Variants in HEPHL1 observed in about 807,000 individuals in gnomAD.
The protein encoded by HEPHL1 is hephaestin like 1, also known as ferroxidase HEPHL1.
HEPHL1 carries 123 observed loss-of-function variants against 122.0 expected under a neutral mutation model. That is an observed-to-expected ratio of 1.01 (90% CI 0.87 to 1.17). HEPHL1 has a LOEUF of 1.17. Among genes scored for constraint, HEPHL1 ranks in the 50% most tolerant of loss-of-function variants. The pLI is 0.00. For synonymous variants in HEPHL1, 527 were observed against 508.9 expected (o/e 1.04, Z -0.48); for missense variants, 1,452 against 1,430.5 (o/e 1.01, Z -0.24).
At chr11:94,048,637 C>G (rs1249311599) in intron 2 of HEPHL1, among the ~76,000 whole-genome samples, 1 of 152,116 alleles carries the variant, frequency 6.6e-6, no homozygotes, top group South Asian at 2.1e-4. Context: ...GCAGGGATAA[C>G]AGTAATGAGC....
Position 94,113,661 on chromosome 11 carries a change from TTTC to T in HEPHL1, c.*1770_*1772del, listed in dbSNP as rs1481212548. 6.6e-6 allele frequency: 1 copy of T among 152,204 alleles called. No individual in the cohort carries two copies. The highest frequency in any genetic ancestry group is 3.2e-3 in the Middle Eastern group (1 of 316). 9.4% of individuals were successfully genotyped at this position (152,204 alleles called of 1,614,324 possible). ...AAGACAAGTTGTTCAGTTGTTTTTT[TTTC>T]TTTTCAGTTTATTTTTTTAATGAAA... On this transcript the variant is annotated 3_prime_UTR_variant, in exon 20 of 20. Transcript: ENST00000315765.
chr11:94,043,147 T>C (rs752247451), intron 1 of HEPHL1, among the ~76,000 whole-genome samples: 1 of 151,796 alleles, frequency 6.6e-6, no homozygotes, highest in Non-Finnish European at 1.5e-5. Context: ...GAATAGAAAG[T>C]ACAATAAAAT....
At chr11:94,073,487 G>T in intron 8 of HEPHL1, 48 bp downstream of exon 8, 2 of 1,533,720 alleles carry the variant, frequency 1.3e-6, no homozygotes, top group South Asian at 2.4e-5. Flanking sequence ...GGTGAGCAAA[G>T]CACTTAGAAA....
chr11:94,022,835 CAGAG>C (rs1394370482), intron 1 of HEPHL1, among the ~76,000 whole-genome samples: 2 of 152,192 alleles, frequency 1.3e-5, no homozygotes, highest in Non-Finnish European at 2.9e-5. Flanking sequence ...CTGCTATTCT[CAGAG>C]AGGGCTCAGT....
At chr11:94,036,935 T>C (rs1490156500) in intron 1 of HEPHL1, among the ~76,000 whole-genome samples, 1 of 151,934 alleles carries the variant, frequency 6.6e-6, no homozygotes, top group Non-Finnish European at 1.5e-5. Context: ...GACGGGTGAT[T>C]TCTGCATTTC....
rs549567398 is a variant in HEPHL1 at position 94,021,683 on chromosome 11, C to T, written c.170+145C>T. 19 of 642,564 alleles carry T rather than the reference C, an allele frequency of 3.0e-5. No individual in the cohort carries two copies. In the East Asian group the frequency reaches 5.0e-4, roughly 17 times the overall value. 39.8% of individuals were successfully genotyped at this position (642,564 alleles called of 1,614,324 possible). ...GTGTTTTGTTTTTTGCTTGAAGAGC[C>T]CTAGTATGGATGGGTGTGTAATCTG... On this transcript the variant is annotated intron_variant, in intron 1 of 19. Coordinates refer to ENST00000315765, the MANE Select transcript of HEPHL1 (RefSeq NM_001098672.2).
Position 94,113,695 on chromosome 11 carries a change from A to G in HEPHL1, c.*1801A>G, listed in dbSNP as rs190533852. 9.9e-5 allele frequency: 15 copies of G among 152,258 alleles called. No homozygotes were observed. In the East Asian group the frequency reaches 2.7e-3, roughly 27 times the overall value. The allele number at this position is 152,258 out of a possible 1,614,324, so 9.4% of individuals were successfully genotyped here. A position where few individuals can be genotyped will look rare whatever the true frequency, so the allele number is the denominator to read the frequency against. ...AGTTTATTTTTTTAATGAAAACAAA[A>G]CCACAAAGTAGTTTGATTGCATCAT... On this transcript the variant is annotated 3_prime_UTR_variant, in exon 20 of 20. Transcript: ENST00000315765.
chr11:94,039,050 A>T (rs1210947162), intron 1 of HEPHL1, among the ~76,000 whole-genome samples: 1 of 81,316 alleles, frequency 1.2e-5, no homozygotes. Flanking sequence ...TGGAAAACAA[A>T]AAAAGGCAGG....
chr11:94,081,059 G>C (rs1234879641), intron 9 of HEPHL1, among the ~76,000 whole-genome samples: 2 of 152,198 alleles, frequency 1.3e-5, no homozygotes, highest in Admixed American at 6.5e-5. Flanking sequence ...CATGTCTTTT[G>C]ACAGGCTGGA....
intron 4 of HEPHL1, among the ~76,000 whole-genome samples, chr11:94,066,687 A>C (rs1459695278): frequency 6.6e-6 from 1 of 152,220 alleles, no homozygotes; most frequent in African/African-American, 2.4e-5. Flanking sequence ...ATTTAAATTT[A>C]CTAAAATAAT....
Position 94,110,031 on chromosome 11 carries a change from G to T in HEPHL1, c.3046-872G>T, listed in dbSNP as rs146287779. Among the ~76,000 whole-genome samples, 427 of 152,306 alleles carry T rather than the reference G, an allele frequency of 2.8e-3. 5 individuals carry two copies. The highest frequency in any genetic ancestry group is 9.6e-3 in the African/African-American group (400 of 41,568). On this transcript the variant is annotated intron_variant, in intron 17 of 19. Transcript: ENST00000315765. The stretch of plus-strand genomic sequence containing the variant: ...ATATAGTGCTATCCAGGTTATCAAT[G>T]TATTCTTGAGTAATCTTCAGGAGTT...
Position 94,111,598 on chromosome 11 carries a change from A to G in HEPHL1, c.3270A>G (p.Pro1090=), listed in dbSNP as rs184946138. Residue 1090 remains proline, a synonymous_variant, in exon 19 of 20, where the codon CCA becomes CCG. Coordinates refer to ENST00000315765, the MANE Select transcript of HEPHL1 (RefSeq NM_001098672.2). The part of the protein sequence containing the change: ...PGVASHPATV[P]SNERPGKEQL... ...TGGCATCTCACCCAGCCACGGTGCC[A>G]TCTAACGGTAATGATACCCTCTCCC... 1.3e-3 allele frequency: 2,032 copies of G among 1,606,624 alleles called. 2 individuals carry two copies. Among genetic ancestry groups the G allele is most frequent in the Admixed American group, 1.7e-3 (98 of 58,928 alleles).
chr11:94,063,577 A>C lies in HEPHL1; in HGVS notation c.485A>C (p.Tyr162Ser). ...NDDMVPPGKN[Y>S]TYVWPVREEY... ...GACATGGTTCCTCCTGGGAAAAACT[A>C]CACCTACGTCTGGCCGGTGAGAGAA... The change falls in exon 3 of 20, where the codon TAC becomes TCC. Residue 162 changes from tyrosine (Y) to serine (S), a missense_variant. Tyr to Ser is a moderately radical substitution (Grantham distance 144). Transcript: ENST00000315765. 6.2e-7 allele frequency: 1 copy of C among 1,613,740 alleles called. No homozygotes were observed. Among genetic ancestry groups the C allele is most frequent in the Non-Finnish European group, 8.5e-7 (1 of 1,179,816 alleles).
At chr11:94,073,678 A>G (rs1291175352) in intron 8 of HEPHL1, among the ~76,000 whole-genome samples, 1 of 152,148 alleles carries the variant, frequency 6.6e-6, no homozygotes, top group Non-Finnish European at 1.5e-5. Context: ...GTAGGTTCTT[A>G]GGAAATGTTC....
chr11:94,085,362 G>A (rs1156640835), intron 10 of HEPHL1, among the ~76,000 whole-genome samples: 1 of 152,176 alleles, frequency 6.6e-6, no homozygotes, highest in Non-Finnish European at 1.5e-5. Flanking sequence ...ACTGGGGTAA[G>A]GAAGTACGAG....
At chr11:94,098,876 G>C (rs911996269) in intron 13 of HEPHL1, among the ~76,000 whole-genome samples, 1 of 152,098 alleles carries the variant, frequency 6.6e-6, no homozygotes, top group African/African-American at 2.4e-5. Context: ...GGTCATTTAA[G>C]GACTTCTCTA....
chr11:94,042,875 T>TAAAAAAAAAAAAAAAAAAAAAA (rs58966846), intron 1 of HEPHL1, among the ~76,000 whole-genome samples: 33 of 63,138 alleles, frequency 5.2e-4, no homozygotes, highest in African/African-American at 1.9e-3. Context: ...TAAAGTATAA[T>TAAAAAAAAAAAAAAAAAAAAAA]AAAAAAAAAA....
At chr11:94,082,611 T>C in intron 10 of HEPHL1, 43 bp downstream of exon 10, 1 of 1,569,582 alleles carries the variant, frequency 6.4e-7, no homozygotes, top group Non-Finnish European at 8.7e-7. Context: ...AAGGCTGACT[T>C]GCATTAGAAG....
chr11:94,068,884 A>G (rs1946054421), intron 5 of HEPHL1, among the ~76,000 whole-genome samples: 1 of 152,174 alleles, frequency 6.6e-6, no homozygotes, highest in South Asian at 2.1e-4. Flanking sequence ...CATAGTCACT[A>G]ATAGGTGCAA....
Sources: gnomAD v4.1 joint callset for allele counts (sites outside exome capture counted in the v4.1 genomes callset) on GRCh38, gnomAD v4.1.1 for gene constraint, MANE v1.5 for transcripts, NCBI Gene and HGNC (gene_info 2026-07-23, HGNC 2026-07-21) for gene names.